The following ATRNL1 variants were observed in gnomAD, a reference collection of about 807,000 sequenced individuals.
ATRNL1 encodes attractin-like protein 1.
In ATRNL1, 95 loss-of-function variants were observed where a neutral mutation model predicts 182.7. The observed-to-expected ratio is 0.52, with a 90% CI of 0.44 to 0.62. The LOEUF is 0.62. Among genes scored for constraint, ATRNL1 ranks in the 20% least tolerant of loss-of-function variants. The pLI is 0.00. For synonymous variants in ATRNL1, 576 were observed against 568.3 expected, an observed-to-expected ratio of 1.01 and a Z score of -0.19; for missense variants, 1,471 against 1,679.5, an observed-to-expected ratio of 0.88 and a Z score of 2.17.
chr10:115,936,921 G>C (rs1953577836), intron 28 of ATRNL1, among the ~76,000 whole-genome samples: 1 of 152,154 alleles, frequency 6.6e-6, no homozygotes, highest in Non-Finnish European at 1.5e-5. Context: ...AAAGGTAGCT[G>C]CAAGTCTGAT....
intron 19 of ATRNL1, among the ~76,000 whole-genome samples, chr10:115,361,213 G>A (rs1414228669): frequency 1.3e-5 from 2 of 151,938 alleles, no homozygotes; most frequent in Non-Finnish European, 2.9e-5. Flanking sequence ...TTTACCAAAT[G>A]GTGATTTTCT....
intron 7 of ATRNL1, among the ~76,000 whole-genome samples, chr10:115,166,762 T>C (rs1441210997): frequency 6.6e-6 from 1 of 152,076 alleles, no homozygotes; most frequent in East Asian, 1.9e-4. Context: ...TGTTTGGTTG[T>C]TGAGTTGGAG....
At chr10:115,546,811 C>G (rs2133802480) in intron 25 of ATRNL1, among the ~76,000 whole-genome samples, 1 of 152,190 alleles carries the variant, frequency 6.6e-6, no homozygotes, top group African/African-American at 2.4e-5. Context: ...GCCTGGAGAA[C>G]AAAAACATTC....
chr10:115,217,403 C>G (rs1554896509), intron 9 of ATRNL1, among the ~76,000 whole-genome samples: 1 of 151,838 alleles, frequency 6.6e-6, no homozygotes, highest in Non-Finnish European at 1.5e-5. Context: ...AATATTTTTT[C>G]AATGCTGTGT....
chr10:115,112,672 C>G (rs1044242973), intron 1 of ATRNL1, among the ~76,000 whole-genome samples: 3 of 152,130 alleles, frequency 2.0e-5, no homozygotes, highest in Non-Finnish European at 4.4e-5. Flanking sequence ...AAGTAATCAG[C>G]AGTTTATAAA....
At chr10:115,606,358 T>C (rs1454110411) in intron 26 of ATRNL1, among the ~76,000 whole-genome samples, 2 of 152,006 alleles carry the variant, frequency 1.3e-5, no homozygotes, top group Admixed American at 6.6e-5. Context: ...TGAAAATATA[T>C]CCCTTCTTGT....
intron 27 of ATRNL1, among the ~76,000 whole-genome samples, chr10:115,738,880 G>A (rs908455413): frequency 6.6e-6 from 1 of 151,964 alleles, no homozygotes; most frequent in African/African-American, 2.4e-5. Flanking sequence ...TTTGATAAAT[G>A]CCCTAGGTTA....
chr10:115,929,462 T>C (rs1555121063), intron 28 of ATRNL1, among the ~76,000 whole-genome samples: 1 of 152,086 alleles, frequency 6.6e-6, no homozygotes, highest in African/African-American at 2.4e-5. Flanking sequence ...AACAATAAAA[T>C]TTAAACTGAA....
At chr10:115,650,880 A>G (rs1555034139) in intron 26 of ATRNL1, among the ~76,000 whole-genome samples, 1 of 152,006 alleles carries the variant, frequency 6.6e-6, no homozygotes, top group East Asian at 1.9e-4. Context: ...GATTATTCCC[A>G]CTTGAATAAT....
intron 21 of ATRNL1, among the ~76,000 whole-genome samples, chr10:115,427,626 GTTCT>G (rs782182204): frequency 6.6e-6 from 1 of 152,050 alleles, no homozygotes; most frequent in Non-Finnish European, 1.5e-5. Context: ...ATGGATTGAA[GTTCT>G]TTTTTTCTCC....
At chr10:115,132,850 G>C (rs1414842402) in intron 5 of ATRNL1, among the ~76,000 whole-genome samples, 1 of 152,298 alleles carries the variant, frequency 6.6e-6, no homozygotes, top group Admixed American at 6.5e-5. Context: ...CAGATGAGTA[G>C]ATTGCAAAAA....
intron 26 of ATRNL1, among the ~76,000 whole-genome samples, chr10:115,669,462 A>G (rs1945626492): frequency 6.6e-6 from 1 of 152,144 alleles, no homozygotes; most frequent in Non-Finnish European, 1.5e-5. Context: ...GTAAATGCCA[A>G]CTTTGCAACA....
At chr10:115,468,166 C>T (rs1328438432) in intron 23 of ATRNL1, among the ~76,000 whole-genome samples, 1 of 150,624 alleles carries the variant, frequency 6.6e-6, no homozygotes, top group African/African-American at 2.4e-5. Context: ...AAAATGTTGG[C>T]ACTATGGGTT....
At chr10:115,524,073 T>C (rs1851088349) in intron 25 of ATRNL1, among the ~76,000 whole-genome samples, 1 of 148,894 alleles carries the variant, frequency 6.7e-6, no homozygotes, top group African/African-American at 2.5e-5. Context: ...GAGATCGAGA[T>C]CACATGGTGA....
chr10:115,806,910 CTG>C, intron 27 of ATRNL1, among the ~76,000 whole-genome samples: 2 of 152,232 alleles, frequency 1.3e-5, no homozygotes, highest in Non-Finnish European at 2.9e-5. Context: ...CAATTAGCAT[CTG>C]TTTTTTCATC....
At chr10:115,270,358 C>T (rs1851799646) in intron 13 of ATRNL1, among the ~76,000 whole-genome samples, 1 of 22,288 alleles carries the variant, frequency 4.5e-5, no homozygotes, top group Non-Finnish European at 1.2e-4. Flanking sequence ...GATATATAAA[C>T]AAATATATAA....
intron 22 of ATRNL1, among the ~76,000 whole-genome samples, chr10:115,465,685 G>C (rs538756524): frequency 2.0e-5 from 3 of 151,242 alleles, no homozygotes; most frequent in Non-Finnish European, 4.4e-5. Flanking sequence ...TAATATAATA[G>C]CCTTCTGATT....
At chr10:115,400,518 ATCTG>A (rs1844514915) in intron 20 of ATRNL1, among the ~76,000 whole-genome samples, 1 of 152,068 alleles carries the variant, frequency 6.6e-6, no homozygotes, top group Non-Finnish European at 1.5e-5. Flanking sequence ...TGTCTCAGTG[ATCTG>A]TCTAATATTG....
chr10:115,462,022 C>A lies in ATRNL1; in HGVS notation c.3404C>A (p.Ala1135Glu). ...CACCATACTGCCATAAACTTTATAG[C>A]AAACCCAGAACAGGTGAGGAAAAAT... ...DRHHTAINFI[A>E]NPEQSNKNLD... Residue 1135 changes from alanine to glutamate, a missense_variant, in exon 22 of 29, where the codon GCA becomes GAA. Ala to Glu is a moderately radical substitution (Grantham distance 107). Coordinates refer to ENST00000355044, the MANE Select transcript of ATRNL1 (RefSeq NM_207303.4). The A allele has an allele frequency of 1.2e-6, 2 of 1,606,980 alleles. No homozygotes were observed. The highest frequency in any genetic ancestry group is 1.1e-5 in the South Asian group (1 of 90,358).
Sources: allele counts gnomAD v4.1 joint callset (sites outside exome capture counted in the v4.1 genomes callset), GRCh38; gene constraint gnomAD v4.1.1; transcripts MANE v1.5; gene names NCBI Gene and HGNC (gene_info 2026-07-23, HGNC 2026-07-21).